The following NAV2 variants were observed in gnomAD, a reference collection of about 807,000 sequenced individuals.
NAV2 encodes the protein neuron navigator 2.
NAV2 carries 54 observed loss-of-function variants against 223.2 expected under a neutral mutation model. The observed-to-expected ratio is 0.24, with a 90% CI of 0.19 to 0.30. The LOEUF is 0.30. Among genes scored for constraint, NAV2 ranks in the 10% least tolerant of loss-of-function variants. The probability of loss-of-function intolerance (pLI) is 1.00; values close to 1 mark genes in which losing one functional copy is unlikely to be tolerated. For missense variants in NAV2, 2,806 were observed against 3,147.5 expected (o/e 0.89, Z 2.60); for synonymous variants, 1,279 against 1,239.3 (o/e 1.03, Z -0.67).
intron 2 of NAV2, among the ~76,000 whole-genome samples, chr11:19,835,847 AG>A (rs2060197585): frequency 6.6e-6 from 1 of 152,146 alleles, no homozygotes; most frequent in Non-Finnish European, 1.5e-5. Flanking sequence ...TATACTGGAC[AG>A]AATTCTAGTG....
chr11:19,687,479 C>G (rs569573260), intron 1 of NAV2, among the ~76,000 whole-genome samples: 2 of 152,330 alleles, frequency 1.3e-5, no homozygotes, highest in East Asian at 3.9e-4. Context: ...CAGGTCAAGA[C>G]ATAGAACATT....
chr11:20,072,042 G>A (rs867742634), intron 22 of NAV2, among the ~76,000 whole-genome samples: 22 of 152,230 alleles, frequency 1.4e-4, no homozygotes, highest in Middle Eastern at 3.4e-3. Context: ...TATTGCCTAG[G>A]TTTTCTTCTA....
intron 11 of NAV2, among the ~76,000 whole-genome samples, chr11:19,992,356 GA>G (rs2051422917): frequency 6.6e-6 from 1 of 152,226 alleles, no homozygotes; most frequent in African/African-American, 2.4e-5. Flanking sequence ...AACCACAGAG[GA>G]ATTCTACCAG....
At chr11:20,082,931 G>T in intron 25 of NAV2, 76 bp from the exon 26 acceptor site, 2 of 1,352,312 alleles carry the variant, frequency 1.5e-6, no homozygotes, top group Admixed American at 2.4e-5. Flanking sequence ...TCGCTTTTTT[G>T]TGTGCATGTC....
intron 1 of NAV2, among the ~76,000 whole-genome samples, chr11:19,429,344 C>T (rs1470701962): frequency 6.6e-6 from 1 of 152,172 alleles, no homozygotes; most frequent in African/African-American, 2.4e-5. Context: ...TTCAGTTAAC[C>T]AATCAATAAA....
At chr11:19,910,990 CT>C (rs1397874624) in intron 6 of NAV2, among the ~76,000 whole-genome samples, 3 of 151,816 alleles carry the variant, frequency 2.0e-5, no homozygotes, top group African/African-American at 7.3e-5. Context: ...TGCTTAATCC[CT>C]GTCTCACTGG....
intron 1 of NAV2, among the ~76,000 whole-genome samples, chr11:19,483,805 T>A (rs2042353704): frequency 6.6e-6 from 1 of 152,060 alleles, no homozygotes; most frequent in Admixed American, 6.5e-5. Context: ...GGTCTAGAAA[T>A]GCATCCCGCA....
chr11:19,659,905 G>A (rs1394531502), intron 1 of NAV2, among the ~76,000 whole-genome samples: 2 of 152,048 alleles, frequency 1.3e-5, no homozygotes, highest in African/African-American at 4.8e-5. Context: ...TACTCTCTAT[G>A]GAGTGCTTAG....
At chr11:20,024,905 C>T (rs576180577) in intron 11 of NAV2, among the ~76,000 whole-genome samples, 1 of 152,210 alleles carries the variant, frequency 6.6e-6, no homozygotes, top group Admixed American at 6.5e-5. Flanking sequence ...CCCCCATCCC[C>T]TTTCCTTTAA....
intron 1 of NAV2, among the ~76,000 whole-genome samples, chr11:19,707,749 G>A (rs1255145775): frequency 6.6e-6 from 1 of 152,158 alleles, no homozygotes; most frequent in African/African-American, 2.4e-5. Context: ...ACTGTACATG[G>A]TTGTGTGCGC....
At chr11:19,786,825 A>C (rs2057150773) in intron 1 of NAV2, among the ~76,000 whole-genome samples, 1 of 152,208 alleles carries the variant, frequency 6.6e-6, no homozygotes, top group South Asian at 2.1e-4. Flanking sequence ...CAAATTACCC[A>C]GCAAGAACTG....
At chr11:19,708,952 T>C (rs1311992057), upstream of NAV2, among the ~76,000 whole-genome samples, 3 of 150,648 alleles carry the variant, frequency 2.0e-5, no homozygotes, top group African/African-American at 7.3e-5. Flanking sequence ...ACCTGGATAG[T>C]GTATTCTTTC....
At chr11:19,763,961 G>A (rs1348908251) in intron 1 of NAV2, among the ~76,000 whole-genome samples, 4 of 152,142 alleles carry the variant, frequency 2.6e-5, no homozygotes, top group African/African-American at 9.7e-5. Flanking sequence ...CAGTTAGTGG[G>A]TCTGACTGGA....
At chr11:19,620,536 T>C (rs1338176437) in intron 1 of NAV2, among the ~76,000 whole-genome samples, 1 of 152,184 alleles carries the variant, frequency 6.6e-6, no homozygotes, top group African/African-American at 2.4e-5. Context: ...TGAATGGGCA[T>C]TCACTCATGA....
chr11:19,630,914 T>A (rs1590731273), intron 1 of NAV2, among the ~76,000 whole-genome samples: 1 of 58,766 alleles, frequency 1.7e-5, no homozygotes, highest in Non-Finnish European at 3.0e-5. Context: ...AAACAAAGGG[T>A]CCTGTTGCAA....
At chr11:19,519,994 G>A (rs759612943) in intron 1 of NAV2, 1 of 152,250 alleles carries the variant, frequency 6.6e-6, no homozygotes, top group Non-Finnish European at 1.5e-5. Context: ...AACTAAGCAA[G>A]ACGGAAGCAT....
chr11:19,834,494 G>C (rs759117603), intron 2 of NAV2, among the ~76,000 whole-genome samples: 3 of 151,860 alleles, frequency 2.0e-5, no homozygotes, highest in Non-Finnish European at 4.4e-5. Context: ...TTCCAGTTCT[G>C]TACTCCTTGC....
At chr11:19,623,966 T>C (rs995107185) in intron 1 of NAV2, among the ~76,000 whole-genome samples, 20 of 152,218 alleles carry the variant, frequency 1.3e-4, no homozygotes, top group Non-Finnish European at 1.9e-4. Context: ...TCCTTTCTGT[T>C]TGTTAGTTTT....
At position 20,048,732 on chromosome 11, in the gene NAV2, T is replaced by C. The variant is rs201073900; in HGVS notation, c.3907T>C (p.Phe1303Leu). Residue 1303 changes from phenylalanine (F) to leucine (L), a missense_variant, in exon 15 of 38, where the codon TTT (phenylalanine) becomes CTT (leucine). Coordinates refer to ENST00000349880, the MANE Select transcript of NAV2 (RefSeq NM_145117.5). ...DVASPTLRRL[F>L]GGKPTKQVPI... Reference sequence around the variant, plus strand: ...CAACCCTTTGTCTCTTCACAGACTCTTTGGTGGGAAGCCTACCAAGCAAGT... The same window carrying C: ...CAACCCTTTGTCTCTTCACAGACTCCTTGGTGGGAAGCCTACCAAGCAAGT... 14 of 1,613,764 alleles carry C rather than the reference T, an allele frequency of 8.7e-6. No homozygotes were observed. The highest frequency in any genetic ancestry group is 1.6e-4 in the Middle Eastern group (1 of 6,062).
Sources: allele counts gnomAD v4.1 joint callset (sites outside exome capture counted in the v4.1 genomes callset), GRCh38; gene constraint gnomAD v4.1.1; transcripts MANE v1.5; gene names NCBI Gene and HGNC (gene_info 2026-07-23, HGNC 2026-07-21).